PRKCZ: variants seen among roughly 807,000 people sequenced by gnomAD.
PRKCZ encodes protein kinase C zeta.
A neutral mutation model predicts 79.5 loss-of-function variants in PRKCZ; 33 were observed. The observed-to-expected ratio is 0.41, with a 90% confidence interval of 0.31 to 0.55. The LOEUF is 0.55. PRKCZ is among the 20% of genes least tolerant of loss of function. The pLI is 0.19. For synonymous variants in PRKCZ, 342 were observed against 320.9 expected (o/e 1.07, Z -0.70); for missense variants, 578 against 813.5 (o/e 0.71, Z 3.52).
At chr1:2,076,632 T>C (rs1347487149) in intron 4 of PRKCZ, among the ~76,000 whole-genome samples, 2 of 151,646 alleles carry the variant, frequency 1.3e-5, no homozygotes, top group East Asian at 3.9e-4. Context: ...ATCCCAGCCA[T>C]TCAGGGGGCT....
At chr1:2,050,966 G>C in intron 1 of PRKCZ, 1 of 356,264 alleles carries the variant, frequency 2.8e-6, no homozygotes, top group East Asian at 4.1e-5. Context: ...CATTGTGGTA[G>C]ACGTTTTCGC....
chr1:2,136,977 C>T (rs1445774896), intron 5 of PRKCZ, among the ~76,000 whole-genome samples: 1 of 152,064 alleles, frequency 6.6e-6, no homozygotes, highest in East Asian at 1.9e-4. Flanking sequence ...GAGAACTGGC[C>T]CTCGGGCGCA....
intron 4 of PRKCZ, among the ~76,000 whole-genome samples, chr1:2,116,600 G>T (rs533354158): frequency 6.6e-6 from 1 of 152,260 alleles, no homozygotes; most frequent in Admixed American, 6.5e-5. Context: ...TTTGCGTCCT[G>T]GCTGTGTGTG....
chr1:2,183,318 T>A (rs1687008005), intron 16 of PRKCZ, among the ~76,000 whole-genome samples: 1 of 151,986 alleles, frequency 6.6e-6, no homozygotes, highest in South Asian at 2.1e-4. Flanking sequence ...ATAGCTTGAA[T>A]CGGAGTCAGA....
Position 2,127,484 on chromosome 1 carries a change from CCGTCCCGCCCCA to C in PRKCZ, c.335-7768_335-7757del, listed in dbSNP as rs1428674856. Among the ~76,000 whole-genome samples the C allele has an allele frequency of 6.6e-6, 1 of 152,088 alleles. No individual in the cohort carries two copies. Among genetic ancestry groups the C allele is most frequent in the Non-Finnish European group, 1.5e-5 (1 of 68,006 alleles). The stretch of plus-strand genomic sequence containing the variant: ...TCTCACCCTCTGGTCCTGGCTGGGC[CCGTCCCGCCCCA>C]CGTCCCGCCTCCCACTGCCCTCAGC... On this transcript the variant is annotated intron_variant, in intron 4 of 17. Transcript: ENST00000378567. This position sits in a 1 kb window ranked among gnomAD's most constrained non-coding sequence, Gnocchi z 5.1.
chr1:2,093,068 T>C (rs9729600), intron 4 of PRKCZ, among the ~76,000 whole-genome samples: 142,873 of 152,326 alleles, frequency 0.94, 67,146 homozygotes, highest in East Asian at 1. Context: ...GAGATGCCAA[T>C]GTGATGGGTG....
intron 16 of PRKCZ, 85 bp downstream of exon 16, chr1:2,175,398 T>C (rs1180768640): frequency 4.1e-5 from 38 of 931,258 alleles, no homozygotes; most frequent in Non-Finnish European, 5.4e-5. Context: ...CCAACCCCAA[T>C]ATTCACCCAA....
At chr1:2,170,003 C>T (rs1308884622) in intron 11 of PRKCZ, among the ~76,000 whole-genome samples, 2 of 152,078 alleles carry the variant, frequency 1.3e-5, no homozygotes, top group Non-Finnish European at 2.9e-5. Flanking sequence ...AGACCAGTCC[C>T]CCAGGCCCCA....
intron 1 of PRKCZ, 114 bp downstream of exon 1, chr1:2,050,815 G>A: frequency 1.5e-6 from 1 of 672,434 alleles, no homozygotes; most frequent in Non-Finnish European, 2.1e-6. Flanking sequence ...CGAGGTCGCT[G>A]CGGGCCCGGG....
rs556268482 is a variant in PRKCZ at position 2,078,992 on chromosome 1, G to A, written c.334+19401G>A. On this transcript the variant is annotated intron_variant, in intron 4 of 17. Transcript: ENST00000378567. ...TGAGTAGCTGGGACTACAGGCGCCCGCCACCACGCCCAGCTAATTTTTTGT... is the reference window on the plus strand; with the variant it reads ...TGAGTAGCTGGGACTACAGGCGCCCACCACCACGCCCAGCTAATTTTTTGT... Among the ~76,000 whole-genome samples the A allele has an allele frequency of 8.5e-5, 13 of 152,158 alleles. No individual in the cohort carries two copies. The South Asian group carries it at 1.0e-3, about 12-fold the overall frequency.
In PRKCZ at chr1:2,185,186, A is replaced by T. The variant is rs1006004882; in HGVS notation, c.*177A>T. On this transcript the variant is annotated 3_prime_UTR_variant, in exon 18 of 18. Transcript: ENST00000378567. ...TGCTGGGAGCAGAACAGTCCCTCAC[A>T]CCTGGGCCCGGGCAGGCCAGCTTCG... is the stretch of plus-strand genomic sequence containing the variant. 27 of 719,192 alleles carry T rather than the reference A, an allele frequency of 3.8e-5. No homozygotes were observed. The highest frequency in any genetic ancestry group is 5.9e-5 in the Non-Finnish European group (24 of 403,382). The allele number at this position is 719,192 out of a possible 1,614,324, so 44.6% of individuals were successfully genotyped here.
Position 2,146,040 on chromosome 1 carries a change from C to G in PRKCZ, c.566C>G (p.Pro189Arg). 6 of 1,613,786 alleles carry G rather than the reference C, an allele frequency of 3.7e-6. No individual in the cohort carries two copies. Among genetic ancestry groups the G allele is most frequent in the Non-Finnish European group, 5.1e-6 (6 of 1,179,664 alleles). ...TCRKHMDSVM[P>R]SQEPPVDDKN... ...TCTCTCCGGCAGGATTCTGTCATGC[C>G]TTCCCAAGAGCCTCCAGTAGACGAC... is the stretch of plus-strand genomic sequence containing the variant. The change falls in exon 7 of 18, where the codon CCT becomes CGT. Residue 189 changes from proline (P) to arginine (R), a missense_variant. Coordinates refer to ENST00000378567, the MANE Select transcript of PRKCZ (RefSeq NM_002744.6).
intron 4 of PRKCZ, chr1:2,073,543 C>G (rs1302784958): frequency 1.2e-6 from 1 of 845,474 alleles, no homozygotes; most frequent in Non-Finnish European, 1.4e-6. Flanking sequence ...GAGTCCGAGC[C>G]CTGCCTGGGT....
intron 4 of PRKCZ, among the ~76,000 whole-genome samples, chr1:2,069,854 C>T (rs190628015): frequency 2.4e-3 from 372 of 152,276 alleles, no homozygotes; most frequent in African/African-American, 8.6e-3. Context: ...TCTGGGGCTC[C>T]TAAGTGGGTA....
intron 4 of PRKCZ, among the ~76,000 whole-genome samples, chr1:2,092,299 G>A (rs945815349): frequency 6.6e-6 from 1 of 152,170 alleles, no homozygotes; most frequent in African/African-American, 2.4e-5. Context: ...GGCAGCCCCT[G>A]CTGCTTTGTA....
Position 2,173,827 on chromosome 1 carries a change from C to T in PRKCZ, c.1286-70C>T, listed in dbSNP as rs908554950. ...CGTGTCAACTGGGCATGAAAACCAA[C>T]GCCAGCCAGGTTCGTCCTGCTGCCG... On this transcript the variant is annotated intron_variant, in intron 13 of 17. Transcript: ENST00000378567. This position sits in a 1 kb window ranked among gnomAD's most constrained non-coding sequence, Gnocchi z 5.7. 70 of 1,508,330 alleles carry T rather than the reference C, an allele frequency of 4.6e-5. No homozygotes were observed. The highest frequency in any genetic ancestry group is 3.1e-4 in the Admixed American group (15 of 47,626). 93.4% of individuals were successfully genotyped at this position (1,508,330 alleles called of 1,614,324 possible).
chr1:2,173,544 C>T lies in PRKCZ; in HGVS notation c.1286-353C>T, dbSNP rs1684880307. On this transcript the variant is annotated intron_variant, in intron 13 of 17. Coordinates refer to ENST00000378567, the MANE Select transcript of PRKCZ (RefSeq NM_002744.6). This position sits in a 1 kb window ranked among gnomAD's most constrained non-coding sequence, Gnocchi z 5.7. ...CAGGAGAGTATTTCCGTTACTGCAG[C>T]GAAAGGGCTTCTTCAAGCTTAGTTC... 6.6e-6 allele frequency among the ~76,000 whole-genome samples: 1 copy of T among 152,176 alleles called. No homozygotes were observed. Among genetic ancestry groups the T allele is most frequent in the Non-Finnish European group, 1.5e-5 (1 of 68,036 alleles).
intron 4 of PRKCZ, among the ~76,000 whole-genome samples, chr1:2,100,940 G>A (rs1392311364): frequency 6.6e-6 from 1 of 151,852 alleles, no homozygotes; most frequent in African/African-American, 2.4e-5. Context: ...TTCAGGCTGG[G>A]GCTCCTGGCC....
At chr1:2,060,245 C>T (rs573067946) in intron 4 of PRKCZ, among the ~76,000 whole-genome samples, 3 of 152,372 alleles carry the variant, frequency 2.0e-5, no homozygotes, top group South Asian at 2.1e-4. Context: ...GGACCGAGGC[C>T]GCTGCCTGTC....
Sources: gnomAD v4.1 joint callset for allele counts (sites outside exome capture counted in the v4.1 genomes callset) on GRCh38, gnomAD v4.1.1 for gene constraint, Gnocchi (gnomAD v3.1) non-coding constraint, MANE v1.5 for transcripts, NCBI Gene and HGNC (gene_info 2026-07-23, HGNC 2026-07-21) for gene names.